Variants in TRIML1 observed in about 807,000 individuals in gnomAD.
The protein encoded by TRIML1 is probable E3 ubiquitin-protein ligase TRIML1.
Under a neutral mutation model 32.3 loss-of-function variants are expected in TRIML1, and 34 were observed. The ratio of observed to expected loss-of-function variants is 1.05; its 90% confidence interval spans 0.80 to 1.40. The LOEUF (loss-of-function observed/expected upper bound fraction) is 1.40, where lower values mean the gene tolerates loss of function less well. TRIML1 is among the 40% of genes most tolerant of loss of function. The pLI is 0.00. For missense variants in TRIML1, 595 were observed against 574.9 expected (o/e 1.03, Z -0.36); for synonymous variants, 244 against 226.6 (o/e 1.08, Z -0.69).
At chr4:188,140,402 G>A (rs1229945886) in intron 1 of TRIML1, 126 bp from the exon 2 acceptor site, 4 of 710,038 alleles carry the variant, frequency 5.6e-6, no homozygotes, top group East Asian at 5.4e-5. Flanking sequence ...GATTACAGGC[G>A]TGAGGCGCCG....
chr4:188,140,452 C>T, intron 1 of TRIML1, 76 bp from the exon 2 acceptor site: 1 of 1,167,676 alleles, frequency 8.6e-7, no homozygotes, highest in Non-Finnish European at 1.3e-6. Flanking sequence ...TAGGACTGCG[C>T]AGTTACTGGT....
At chr4:188,140,700 G>GAA in intron 2 of TRIML1, 77 bp downstream of exon 2, 1 of 1,089,206 alleles carries the variant, frequency 9.2e-7, no homozygotes, top group Non-Finnish European at 1.4e-6. Flanking sequence ...TGAAATATCA[G>GAA]GAAAAAAAAA....
Position 188,139,648 on chromosome 4 carries a change from G to A in TRIML1, c.90G>A (p.Glu30=). 6.2e-7 allele frequency: 1 copy of A among 1,614,160 alleles called. No individual in the cohort carries two copies. The highest frequency in any genetic ancestry group is 8.5e-7 in the Non-Finnish European group (1 of 1,180,004). The change falls in exon 1 of 6, where the codon GAG becomes GAA. Residue 30 remains glutamate (E), a synonymous_variant. Coordinates refer to ENST00000332517, the MANE Select transcript of TRIML1 (RefSeq NM_178556.5). ...ATTTCAGCAGCCCAGTGACCACCGA[G>A]TGTGGGCACAGCTTTTGTCTGGTGT... ...LDYFSSPVTT[E]CGHSFCLVCL... is the part of the protein sequence containing the mutation.
intron 3 of TRIML1, 106 bp from the exon 4 acceptor site, chr4:188,143,732 A>C: frequency 2.9e-6 from 4 of 1,371,392 alleles, no homozygotes; most frequent in Non-Finnish European, 4.2e-6. Context: ...GGTGTGCTTC[A>C]TGGGAAGCAG....
At chr4:188,146,158 T>G (rs1434071770) in intron 5 of TRIML1, among the ~76,000 whole-genome samples, 1 of 151,980 alleles carries the variant, frequency 6.6e-6, no homozygotes, top group Non-Finnish European at 1.5e-5. Context: ...CCACCCAAAC[T>G]GAAGAACCAG....
intron 1 of TRIML1, 61 bp downstream of exon 1, chr4:188,140,027 T>C (rs931511669): frequency 6.1e-5 from 93 of 1,516,156 alleles, no homozygotes; most frequent in Non-Finnish European, 7.4e-5. Flanking sequence ...TTAGCTTTCC[T>C]GACGTTTCCT....
chr4:188,137,699 A>T (rs1255163540), upstream of TRIML1, among the ~76,000 whole-genome samples: 1 of 145,344 alleles, frequency 6.9e-6, no homozygotes, highest in Non-Finnish European at 1.5e-5. Context: ...CTGGTCTCGA[A>T]CTCCCGACCT....
downstream of TRIML1, among the ~76,000 whole-genome samples, chr4:188,148,441 C>A (rs548114329): frequency 6.7e-6 from 1 of 150,180 alleles, no homozygotes; most frequent in South Asian, 2.2e-4. Flanking sequence ...TTGCAGTGAG[C>A]GGAGATCATT....
chr4:188,150,587 T>A (rs1735227753), downstream of TRIML1, among the ~76,000 whole-genome samples: 1 of 152,090 alleles, frequency 6.6e-6, no homozygotes, highest in African/African-American at 2.4e-5. Flanking sequence ...AAGTAATACA[T>A]TTTACTTTGT....
At chr4:188,146,750 A>G (rs1735095575) in intron 5 of TRIML1, 72 bp from the exon 6 acceptor site, 2 of 1,189,050 alleles carry the variant, frequency 1.7e-6, no homozygotes, top group Admixed American at 3.0e-5. Flanking sequence ...TAAGAATTCA[A>G]TGGAAATCTC....
In TRIML1 at chr4:188,139,923, C is replaced by T. The variant is rs1257657175; in HGVS notation, c.365C>T (p.Ala122Val). The T allele has an allele frequency of 1.9e-6, 3 of 1,613,338 alleles. No homozygotes were observed. Among genetic ancestry groups the T allele is most frequent in the Non-Finnish European group, 2.5e-6 (3 of 1,179,782 alleles). Residue 122 changes from alanine to valine, a missense_variant, in exon 1 of 6, where the codon GCA (alanine) becomes GTA (valine). Coordinates refer to ENST00000332517, the MANE Select transcript of TRIML1 (RefSeq NM_178556.5). ...GCCTTCGTAGCCCAGAGCCATGGTG[C>T]AAACAGAGTGCATCTCTCCAGCGAG... ...GSAFVAQSHG[A>V]NRVHLSSEAE...
At chr4:188,143,931 G>T in intron 4 of TRIML1, 71 bp downstream of exon 4, 1 of 1,609,692 alleles carries the variant, frequency 6.2e-7, no homozygotes, top group East Asian at 2.2e-5. Flanking sequence ...TCTGAGTGGG[G>T]ATAGGAGGTC....
chr4:188,138,411 C>T (rs1277930166), upstream of TRIML1, among the ~76,000 whole-genome samples: 1 of 151,932 alleles, frequency 6.6e-6, no homozygotes, highest in African/African-American at 2.4e-5. Flanking sequence ...AGAAATATGG[C>T]GTGATGAGTT....
rs1734967078 is a variant in TRIML1, at chr4:188,144,132, C to T, written c.855C>T (p.Ser285=). ...TGAAGGAGATGCTAAGAAAATTCAGCAGTAAGTCAGCCTGATTTGTTACCC... is the reference window on the plus strand; with the variant it reads ...TGAAGGAGATGCTAAGAAAATTCAGTAGTAAGTCAGCCTGATTTGTTACCC... ...TGMKEMLRKF[S]TEITLDPATA... The change falls in exon 5 of 6, where the codon AGC becomes AGT. Residue 285 remains serine, a splice_region_variant and synonymous_variant. Transcript: ENST00000332517. The T allele has an allele frequency of 5.6e-6, 9 of 1,613,438 alleles. No homozygotes were observed. Among genetic ancestry groups the T allele is most frequent in the Non-Finnish European group, 6.8e-6 (8 of 1,179,656 alleles).
chr4:188,140,102 TC>T, intron 1 of TRIML1, 136 bp downstream of exon 1: 1 of 908,472 alleles, frequency 1.1e-6, no homozygotes, highest in Non-Finnish European at 1.6e-6. Context: ...CTGGCGTGGG[TC>T]CAGTTTACAC....
chr4:188,148,044 G>A (rs1735153588), downstream of TRIML1, among the ~76,000 whole-genome samples: 1 of 152,176 alleles, frequency 6.6e-6, no homozygotes, highest in Admixed American at 6.6e-5. Context: ...AGGTGACAGA[G>A]CAAAGTGTCT....
intron 5 of TRIML1, among the ~76,000 whole-genome samples, chr4:188,145,329 C>A (rs1050643811): frequency 6.6e-6 from 1 of 151,226 alleles, no homozygotes; most frequent in African/African-American, 2.4e-5. Context: ...GTAATCCCAG[C>A]TACTCGGGAG....
In TRIML1 at chr4:188,144,112, G is replaced by A. The variant is rs369162600; in HGVS notation, c.835G>A (p.Glu279Lys). 18 of 1,613,886 alleles carry A rather than the reference G, an allele frequency of 1.1e-5. No individual in the cohort carries two copies. Among genetic ancestry groups the A allele is most frequent in the Middle Eastern group, 1.6e-4 (1 of 6,082 alleles). The stretch of plus-strand genomic sequence containing the variant: ...TCTGTGCCGCATCACGGGAATGAAG[G>A]AGATGCTAAGAAAATTCAGCAGTAA... ...LSLCRITGMK[E>K]MLRKFSTEIT... The change falls in exon 5 of 6, where the codon GAG becomes AAG. Residue 279 changes from glutamate to lysine, a missense_variant. Physicochemically the swap from Glu to Lys is moderately conservative, Grantham distance 56 (BLOSUM62 1). Coordinates refer to ENST00000332517, the MANE Select transcript of TRIML1 (RefSeq NM_178556.5).
rs62618670 is a variant in TRIML1 at position 188,139,649 on chromosome 4, T to A, written c.91T>A (p.Cys31Ser). 9.5e-3 allele frequency: 15,314 copies of A among 1,613,006 alleles called. 85 individuals carry two copies. The highest frequency in any genetic ancestry group is 0.011 in the Non-Finnish European group (13,361 of 1,179,584). Residue 31 changes from cysteine to serine, a missense_variant, in exon 1 of 6, where the codon TGT becomes AGT. Cys to Ser is a moderately radical substitution (Grantham distance 112). Coordinates refer to ENST00000332517, the MANE Select transcript of TRIML1 (RefSeq NM_178556.5). ...TTTCAGCAGCCCAGTGACCACCGAG[T>A]GTGGGCACAGCTTTTGTCTGGTGTG... Reference protein sequence around the residue: ...DYFSSPVTTECGHSFCLVCLL... With the variant: ...DYFSSPVTTESGHSFCLVCLL...
Sources: gnomAD v4.1 joint callset for allele counts (sites outside exome capture counted in the v4.1 genomes callset) on GRCh38, gnomAD v4.1.1 for gene constraint, MANE v1.5 for transcripts, NCBI Gene and HGNC (gene_info 2026-07-23, HGNC 2026-07-21) for gene names.